Variants in ZNF138 observed in about 807,000 individuals in gnomAD.
ZNF138 encodes the protein zinc finger protein 138, also known as zinc finger protein 138 (clone pHZ-32).
In ZNF138, 33 loss-of-function variants were observed where a neutral mutation model predicts 33.0. The ratio of observed to expected loss-of-function variants is 1.00; its 90% CI spans 0.76 to 1.34. The LOEUF is 1.34. Among genes scored for constraint, ZNF138 ranks in the 40% most tolerant of loss-of-function variants. ZNF138 has a pLI of 0.00. For missense variants in ZNF138, 360 were observed against 370.8 expected (o/e 0.97, Z 0.24); for synonymous variants, 139 against 120.4 (o/e 1.15, Z -1.01).
chr7:64,795,209 T>C (rs1786589247), intron 1 of ZNF138, among the ~76,000 whole-genome samples: 1 of 152,222 alleles, frequency 6.6e-6, no homozygotes. Flanking sequence ...TAAACATGAA[T>C]TTTATTTTTC....
intron 1 of ZNF138, among the ~76,000 whole-genome samples, chr7:64,813,081 T>C (rs1012890684): frequency 2.6e-5 from 4 of 152,090 alleles, no homozygotes; most frequent in Non-Finnish European, 5.9e-5. Flanking sequence ...CTCTACATCA[T>C]GCTGTCTTAC....
At chr7:64,825,114 GGCCT>G (rs1181095352) in intron 3 of ZNF138, among the ~76,000 whole-genome samples, 1 of 146,302 alleles carries the variant, frequency 6.8e-6, no homozygotes, top group Non-Finnish European at 1.5e-5. Flanking sequence ...CACTGTGCCA[GGCCT>G]AAAATGAGTC....
chr7:64,844,780 G>C, the ZNF138 span, among the ~76,000 whole-genome samples: 1 of 151,964 alleles, frequency 6.6e-6, no homozygotes, highest in Non-Finnish European at 1.5e-5. Context: ...TCTGCCTCCC[G>C]GGTTCAAGTG....
At chr7:64,823,129 C>T (rs1429353315) in intron 3 of ZNF138, among the ~76,000 whole-genome samples, 2 of 152,160 alleles carry the variant, frequency 1.3e-5, no homozygotes, top group Non-Finnish European at 2.9e-5. Flanking sequence ...ATCCGCCCAC[C>T]TCGGCCTCCC....
chr7:64,802,955 G>C (rs1245708739), intron 1 of ZNF138, among the ~76,000 whole-genome samples: 2 of 151,738 alleles, frequency 1.3e-5, no homozygotes, highest in Non-Finnish European at 2.9e-5. Flanking sequence ...CCAGACAATG[G>C]CATGAGTGAC....
intron 1 of ZNF138, among the ~76,000 whole-genome samples, chr7:64,811,858 C>T (rs969392563): frequency 6.6e-6 from 1 of 152,216 alleles, no homozygotes; most frequent in Non-Finnish European, 1.5e-5. Flanking sequence ...AACTCCCATT[C>T]ATGAACCCTT....
the ZNF138 span, among the ~76,000 whole-genome samples, chr7:64,841,119 T>TA: frequency 6.6e-6 from 1 of 152,166 alleles, no homozygotes; most frequent in Non-Finnish European, 1.5e-5. Flanking sequence ...TCTTGTCTCT[T>TA]ACGATTTTTT....
Position 64,831,995 on chromosome 7 carries a change from T to C in ZNF138, c.753T>C (p.Tyr251=). 1.2e-6 allele frequency: 2 copies of C among 1,613,494 alleles called. No individual in the cohort carries two copies. Among genetic ancestry groups the C allele is most frequent in the Admixed American group, 3.3e-5 (2 of 59,962 alleles). Residue 251 remains tyrosine, a synonymous_variant, in exon 4 of 4, where the codon TAT becomes TAC. Coordinates refer to ENST00000307355, the MANE Select transcript of ZNF138 (RefSeq NM_001271639.2). ...TAATTCGTACTGGAGAAAAACCCTA[T>C]AAATGTGCACACTGTGGCAAAGCCT... is the stretch of plus-strand genomic sequence containing the variant. ...HKIIRTGEKP[Y]KCAHCGKAFK... is the part of the protein sequence containing the mutation.
At chr7:64,815,992 A>G (rs543778848) in intron 3 of ZNF138, among the ~76,000 whole-genome samples, 2 of 151,306 alleles carry the variant, frequency 1.3e-5, no homozygotes, top group East Asian at 3.9e-4. Context: ...GTTAAACTAT[A>G]TTTTAAGTTC....
intron 1 of ZNF138, among the ~76,000 whole-genome samples, chr7:64,795,604 A>T (rs548813367): frequency 1.3e-5 from 2 of 151,872 alleles, no homozygotes; most frequent in African/African-American, 4.8e-5. Flanking sequence ...AAGATTTGTT[A>T]TCTGTTTGTA....
At chr7:64,814,450 C>G (rs1214668383) in intron 1 of ZNF138, among the ~76,000 whole-genome samples, 1 of 152,122 alleles carries the variant, frequency 6.6e-6, no homozygotes, top group Non-Finnish European at 1.5e-5. Flanking sequence ...GCAAGAAGTA[C>G]ATTAGAAAAT....
chr7:64,827,409 T>A (rs1789727631), intron 3 of ZNF138, among the ~76,000 whole-genome samples: 1 of 152,044 alleles, frequency 6.6e-6, no homozygotes, highest in Non-Finnish European at 1.5e-5. Context: ...CACGCCTGGC[T>A]AATTTTTTGT....
chr7:64,834,918 T>C (rs1320393747), downstream of ZNF138, among the ~76,000 whole-genome samples: 1 of 152,212 alleles, frequency 6.6e-6, no homozygotes, highest in African/African-American at 2.4e-5. Flanking sequence ...AAGGGCACCG[T>C]GGATCAATAA....
In ZNF138 at chr7:64,832,450, AC is replaced by A; in HGVS notation, c.*249del. The A allele has an allele frequency of 7.1e-7, 1 of 1,400,294 alleles. No individual in the cohort carries two copies. The highest frequency in any genetic ancestry group is 9.5e-7 in the Non-Finnish European group (1 of 1,057,860). 86.7% of individuals were successfully genotyped at this position (1,400,294 alleles called of 1,614,324 possible). ...GAATGTGGAAAAGCTTTTCACCGAT[AC>A]TCAATCCTTAGTACACATAAGAAAA... On this transcript the variant is annotated 3_prime_UTR_variant, in exon 4 of 4. Coordinates refer to ENST00000307355, the MANE Select transcript of ZNF138 (RefSeq NM_001271639.2).
downstream of ZNF138, among the ~76,000 whole-genome samples, chr7:64,838,506 C>T (rs576439157): frequency 1.3e-5 from 2 of 152,258 alleles, no homozygotes; most frequent in East Asian, 3.9e-4. Context: ...TAGGGAATGC[C>T]GGTTGCAGGG....
intron 1 of ZNF138, among the ~76,000 whole-genome samples, chr7:64,811,495 G>A (rs1425903650): frequency 3.9e-5 from 6 of 152,016 alleles, no homozygotes; most frequent in Non-Finnish European, 7.4e-5. Context: ...ACAGGCACCC[G>A]CCACCATGCC....
intron 1 of ZNF138, 143 bp from the exon 2 acceptor site, chr7:64,814,774 AT>A (rs771389792): frequency 1.3e-4 from 130 of 1,033,496 alleles, no homozygotes; most frequent in Non-Finnish European, 1.6e-4. Context: ...AAAAAAAAAA[AT>A]TATTTTATGA....
chr7:64,812,395 A>C (rs1171812232), intron 1 of ZNF138, among the ~76,000 whole-genome samples: 2 of 152,112 alleles, frequency 1.3e-5, no homozygotes, highest in African/African-American at 2.4e-5. Context: ...CCTGGCCTCA[A>C]GTAATCCAGC....
At chr7:64,823,679 C>T (rs1335412691) in intron 3 of ZNF138, among the ~76,000 whole-genome samples, 2 of 152,196 alleles carry the variant, frequency 1.3e-5, no homozygotes, top group East Asian at 3.9e-4. Flanking sequence ...GCAGTTCACA[C>T]CTATAATCCC....
Sources: allele counts gnomAD v4.1 joint callset (sites outside exome capture counted in the v4.1 genomes callset), GRCh38; gene constraint gnomAD v4.1.1; transcripts MANE v1.5; gene names NCBI Gene and HGNC (gene_info 2026-07-23, HGNC 2026-07-21).